FOXP2: variants seen among roughly 807,000 people sequenced by gnomAD.
FOXP2 encodes the protein forkhead box protein P2.
A neutral mutation model predicts 115.8 loss-of-function variants in FOXP2; 12 were observed. The ratio of observed to expected loss-of-function variants is 0.10; its 90% CI spans 0.07 to 0.17. FOXP2 has a LOEUF of 0.17. FOXP2 is among the 10% of genes least tolerant of loss of function. FOXP2 has a pLI of 1.00. For missense variants in FOXP2, 629 were observed against 843.5 expected, an observed-to-expected ratio of 0.75 and a Z score of 3.15; for synonymous variants, 328 against 297.7, an observed-to-expected ratio of 1.10 and a Z score of -1.05.
intron 2 of FOXP2, among the ~76,000 whole-genome samples, chr7:114,507,453 T>C (rs372959805): frequency 1.1e-4 from 17 of 151,948 alleles, no homozygotes; most frequent in African/African-American, 4.1e-4. Flanking sequence ...AAAGTTGAAA[T>C]TGAACTTGAT....
chr7:114,214,100 C>T (rs1171794178), intron 1 of FOXP2, among the ~76,000 whole-genome samples: 1 of 152,120 alleles, frequency 6.6e-6, no homozygotes, highest in Non-Finnish European at 1.5e-5. Flanking sequence ...TCTGTAGTGA[C>T]CACATTTTAT....
At chr7:114,674,350 C>G (rs906655024) in intron 16 of FOXP2, among the ~76,000 whole-genome samples, 1 of 152,158 alleles carries the variant, frequency 6.6e-6, no homozygotes, top group Non-Finnish European at 1.5e-5. Flanking sequence ...ATATGGAATG[C>G]AGAATCATTT....
In FOXP2 at chr7:114,116,017, G is replaced by T. The variant is rs180978181; in HGVS notation, c.-247+28179G>T. Among the ~76,000 whole-genome samples the T allele has an allele frequency of 1.5e-3, 232 of 152,190 alleles. 1 individual carries two copies. The highest frequency in any genetic ancestry group is 5.5e-3 in the African/African-American group (227 of 41,546). ...TGTTTCCCTAATTGTGGCATAAATA[G>T]AATTTTTTTTGCTTTTTGTTTGGTT... is the stretch of plus-strand genomic sequence containing the variant. On this transcript the variant is annotated intron_variant, in intron 1 of 19. Coordinates refer to the FOXP2 transcript ENST00000635638.
chr7:114,426,531 C>T lies in FOXP2; in HGVS notation c.20C>T (p.Thr7Ile), dbSNP rs377372067. 1.3e-5 allele frequency: 21 copies of T among 1,611,030 alleles called. No individual in the cohort carries two copies. Among genetic ancestry groups the T allele is most frequent in the Non-Finnish European group, 1.4e-5 (17 of 1,178,094 alleles). The change falls in exon 2 of 17, where the codon ACA becomes ATA. Residue 7 changes from threonine (T) to isoleucine (I), a missense_variant. Coordinates refer to ENST00000350908, the MANE Select transcript of FOXP2 (RefSeq NM_014491.4). MMQESA[T>I]ETISNSSMNQ... ...TAAGTCATGATGCAGGAATCTGCGA[C>T]AGAGACAATAAGCAACAGTTCAATG... is the stretch of plus-strand genomic sequence containing the variant.
intron 16 of FOXP2, chr7:114,668,903 G>A (rs1373492394): frequency 6.6e-6 from 1 of 152,070 alleles, no homozygotes; most frequent in African/African-American, 2.4e-5. Context: ...ACTTACAGGA[G>A]TATAAAATCC....
At chr7:114,271,945 G>A (rs1796066352) in intron 1 of FOXP2, among the ~76,000 whole-genome samples, 2 of 124,968 alleles carry the variant, frequency 1.6e-5, no homozygotes, top group Admixed American at 9.2e-5. Flanking sequence ...TTAATATATT[G>A]TATTTATTAT....
At chr7:114,588,846 T>TTA (rs1802289751) in intron 3 of FOXP2, among the ~76,000 whole-genome samples, 1 of 152,148 alleles carries the variant, frequency 6.6e-6, no homozygotes. Context: ...CCTGCAGCAT[T>TTA]TATTATGTGA....
At chr7:114,326,738 G>T (rs1358902325) in intron 2 of FOXP2, among the ~76,000 whole-genome samples, 2 of 152,076 alleles carry the variant, frequency 1.3e-5, no homozygotes, top group African/African-American at 4.8e-5. Context: ...TTTCACTCAA[G>T]AAAATATTCA....
chr7:114,523,830 T>A (rs1056736444), intron 2 of FOXP2, among the ~76,000 whole-genome samples: 10 of 152,248 alleles, frequency 6.6e-5, no homozygotes, highest in African/African-American at 2.4e-4. Context: ...CTAGCTAACC[T>A]GTCAAATATA....
chr7:114,447,564 G>A (rs1461226611), intron 2 of FOXP2, among the ~76,000 whole-genome samples: 1 of 151,902 alleles, frequency 6.6e-6, no homozygotes, highest in Non-Finnish European at 1.5e-5. Context: ...ATCTCCCTTA[G>A]ATCTCCTAAC....
chr7:114,376,533 T>C (rs1221753421), intron 2 of FOXP2, among the ~76,000 whole-genome samples: 1 of 152,176 alleles, frequency 6.6e-6, no homozygotes, highest in Non-Finnish European at 1.5e-5. Flanking sequence ...GGCACTGTTC[T>C]GGACTCTAAA....
At chr7:114,485,187 T>C (rs1444113394) in intron 2 of FOXP2, among the ~76,000 whole-genome samples, 1 of 152,008 alleles carries the variant, frequency 6.6e-6, no homozygotes, top group Admixed American at 6.6e-5. Context: ...TTGGTCTCAA[T>C]TAATCTCAGG....
intron 2 of FOXP2, among the ~76,000 whole-genome samples, chr7:114,520,660 A>G (rs755301629): frequency 1.3e-5 from 2 of 151,062 alleles, no homozygotes; most frequent in African/African-American, 4.8e-5. Context: ...AGGTAGGTAG[A>G]TAGATAGATA....
chr7:114,661,034 A>G (rs1300410138), intron 13 of FOXP2, among the ~76,000 whole-genome samples: 1 of 147,662 alleles, frequency 6.8e-6, no homozygotes, highest in East Asian at 2.0e-4. Context: ...TTCAGGTCAG[A>G]TGCTAGATCT....
chr7:114,507,514 A>T (rs558747947), intron 2 of FOXP2, among the ~76,000 whole-genome samples: 2 of 152,084 alleles, frequency 1.3e-5, no homozygotes, highest in South Asian at 4.1e-4. Context: ...GATGTTAAAA[A>T]CTGAGAAATA....
intron 13 of FOXP2, among the ~76,000 whole-genome samples, chr7:114,660,794 T>A (rs1031599013): frequency 1.3e-5 from 2 of 152,166 alleles, no homozygotes; most frequent in Non-Finnish European, 2.9e-5. Flanking sequence ...GATAATGTAG[T>A]GAATGTTCTG....
intron 1 of FOXP2, among the ~76,000 whole-genome samples, chr7:114,132,572 TGTGTGTGTGTGA>T (rs1479727202): frequency 1.1e-4 from 14 of 122,964 alleles, no homozygotes; most frequent in African/African-American, 4.3e-4. Flanking sequence ...TGTGTGTGTG[TGTGTGTGTGTGA>T]GAGAGAGAGA....
intron 1 of FOXP2, among the ~76,000 whole-genome samples, chr7:114,094,646 C>T (rs1440040925): frequency 6.6e-6 from 1 of 151,980 alleles, no homozygotes; most frequent in African/African-American, 2.4e-5. Flanking sequence ...CCCTCTTTTC[C>T]TCTTTTAAAA....
At chr7:114,569,414 A>G (rs1031939824) in intron 3 of FOXP2, among the ~76,000 whole-genome samples, 1 of 151,918 alleles carries the variant, frequency 6.6e-6, no homozygotes, top group Non-Finnish European at 1.5e-5. Flanking sequence ...AGGTTACCTC[A>G]TTAGTACCAT....
Sources: gnomAD v4.1 joint callset for allele counts (sites outside exome capture counted in the v4.1 genomes callset) on GRCh38, gnomAD v4.1.1 for gene constraint, MANE v1.5 for transcripts, NCBI Gene and HGNC (gene_info 2026-07-23, HGNC 2026-07-21) for gene names.